The following CCAR1 variants were observed in gnomAD, a reference collection of about 807,000 sequenced individuals.
CCAR1 encodes cell division cycle and apoptosis regulator protein 1.
Under a neutral mutation model 163.8 loss-of-function variants are expected in CCAR1, and 78 were observed. That is an observed-to-expected ratio of 0.48 (90% confidence interval 0.40 to 0.57). CCAR1 has a LOEUF of 0.57. Ranked by LOEUF, CCAR1 falls within the 20% of genes least tolerant of loss-of-function variation. CCAR1 has a pLI of 0.00. For synonymous variants in CCAR1, 443 were observed against 460.7 expected (o/e 0.96, Z 0.49); for missense variants, 1,019 against 1,365.2 (o/e 0.75, Z 4.00).
chr10:68,785,969 G>T (rs138628183), intron 19 of CCAR1, among the ~76,000 whole-genome samples, 167 bp from the exon 20 acceptor site: 133 of 152,178 alleles, frequency 8.7e-4, no homozygotes, highest in Non-Finnish European at 1.5e-3. Flanking sequence ...AAAAGACAGG[G>T]TCTTGATCTG....
chr10:68,767,200 G>C (rs1476600952), intron 17 of CCAR1, among the ~76,000 whole-genome samples: 1 of 152,074 alleles, frequency 6.6e-6, no homozygotes, highest in African/African-American at 2.4e-5. Context: ...AATTTAACTT[G>C]CGTTTGAGTT....
Position 68,742,470 on chromosome 10 carries a change from A to G in CCAR1, c.419A>G (p.Gln140Arg). Residue 140 changes from glutamine (Q) to arginine (R), a missense_variant, in exon 6 of 25, where the codon CAG becomes CGG. By Grantham distance (43) the Gln-to-Arg change is conservative (BLOSUM62 1). Coordinates refer to ENST00000265872, the MANE Select transcript of CCAR1 (RefSeq NM_018237.4). Reference protein sequence around the residue: ...VSYPTPRSSQQQTQPQKQRVF... With the variant: ...VSYPTPRSSQRQTQPQKQRVF... ...TATCCAACACCAAGGTCCAGTCAAC[A>G]GCAAACCCAGCCTCAGAAGCAGCGT... 1 of 1,614,198 alleles carries G rather than the reference A, an allele frequency of 6.2e-7. No homozygotes were observed. The highest frequency in any genetic ancestry group is 8.5e-7 in the Non-Finnish European group (1 of 1,180,024).
chr10:68,734,559 C>T (rs149709244), intron 2 of CCAR1, among the ~76,000 whole-genome samples: 51 of 151,908 alleles, frequency 3.4e-4, no homozygotes, highest in African/African-American at 1.2e-3. Context: ...TGCAGTGGTA[C>T]AGTCTTGGCT....
rs182369850 is a variant in CCAR1 at position 68,735,113 on chromosome 10, C to T, written c.74-1763C>T. Among the ~76,000 whole-genome samples the T allele has an allele frequency of 2.1e-3, 322 of 152,162 alleles. 2 individuals are homozygous for T. The highest frequency in any genetic ancestry group is 3.2e-3 in the Non-Finnish European group (221 of 68,002). On this transcript the variant is annotated intron_variant, in intron 2 of 24. Coordinates refer to ENST00000265872, the MANE Select transcript of CCAR1 (RefSeq NM_018237.4). The stretch of plus-strand genomic sequence containing the variant: ...CTGTAATCCCAGTACTTTGGGATCC[C>T]GAAGCAGGTGGATTGCTTGAGCCTA...
intron 5 of CCAR1, among the ~76,000 whole-genome samples, chr10:68,741,554 A>G (rs1308165219): frequency 6.6e-6 from 1 of 152,226 alleles, no homozygotes; most frequent in African/African-American, 2.4e-5. Context: ...ATCACTGGTT[A>G]ATACGTAGAG....
chr10:68,785,159 C>T (rs1226248721), intron 19 of CCAR1, among the ~76,000 whole-genome samples: 1 of 151,588 alleles, frequency 6.6e-6, no homozygotes, highest in African/African-American at 2.4e-5. Context: ...CCTCGTGATC[C>T]GCCCACCTCG....
At position 68,747,214 on chromosome 10, in the gene CCAR1, C is replaced by G. The variant is rs374007238; in HGVS notation, c.572C>G (p.Thr191Ser). 3.1e-6 allele frequency: 5 copies of G among 1,611,322 alleles called. No individual in the cohort carries two copies. In the African/African-American group the frequency reaches 6.7e-5, roughly 22 times the overall value. The change falls in exon 7 of 25, where the codon ACT (threonine) becomes AGT (serine). Residue 191 changes from threonine to serine, a missense_variant. By Grantham distance (58) the Thr-to-Ser change is moderately conservative. Transcript: ENST00000265872. The part of the protein sequence containing the change: ...QVGDRVLVEA[T>S]YNPNMPFKWN... ...GGTGACAGAGTATTGGTTGAAGCTA[C>G]TTATAATCCTAATATGCCTTTTAAA...
intron 18 of CCAR1, 86 bp downstream of exon 18, chr10:68,771,531 T>C (rs968336702): frequency 8.3e-7 from 1 of 1,210,220 alleles, no homozygotes; most frequent in Non-Finnish European, 1.2e-6. Context: ...GAATATTAGA[T>C]GTAAAAGCCA....
chr10:68,737,844 G>T lies in CCAR1; in HGVS notation c.247-1G>T. 1 of 1,581,936 alleles carries T rather than the reference G, an allele frequency of 6.3e-7. No individual in the cohort carries two copies. Among genetic ancestry groups the T allele is most frequent in the Admixed American group, 1.9e-5 (1 of 52,444 alleles). ...TGAAAAATTTTTTTTTAATCTTTCA[G>T]CAATATTCACAACCTCAGCAGGCCC... On this transcript the variant is annotated splice_acceptor_variant, in intron 3 of 24. Transcript: ENST00000265872. LOFTEE classifies it high-confidence loss of function.
chr10:68,764,846 TGTG>T (rs1265712139), intron 16 of CCAR1, among the ~76,000 whole-genome samples: 5 of 152,200 alleles, frequency 3.3e-5, no homozygotes, highest in African/African-American at 4.8e-5. Context: ...TCATCTGCCT[TGTG>T]GTGGTGTCTT....
At chr10:68,734,552 A>C (rs2056082503) in intron 2 of CCAR1, among the ~76,000 whole-genome samples, 1 of 151,672 alleles carries the variant, frequency 6.6e-6, no homozygotes, top group Non-Finnish European at 1.5e-5. Context: ...GCTAGAGTGC[A>C]GTGGTACAGT....
chr10:68,768,075 T>C (rs17462772), intron 17 of CCAR1, among the ~76,000 whole-genome samples: 15,115 of 152,228 alleles, frequency 0.099, 933 homozygotes, highest in South Asian at 0.16. Flanking sequence ...TCAATCATGC[T>C]TCTTTGAACC....
At chr10:68,787,899 G>A in intron 21 of CCAR1, 28 bp from the exon 22 acceptor site, 1 of 1,566,070 alleles carries the variant, frequency 6.4e-7, no homozygotes, top group Non-Finnish European at 8.6e-7. Context: ...TTTCATCTCT[G>A]TATTTTGTTT....
In CCAR1 at chr10:68,786,520, T is replaced by C. The variant is rs1438276975; in HGVS notation, c.2734-26T>C. On this transcript the variant is annotated intron_variant, in intron 20 of 24. Transcript: ENST00000265872. ...TAAAAAATTTGAAATTTGAATACTA[T>C]GTTTTCTACTTCTCCATTTTCTTAG... The C allele has an allele frequency of 2.0e-6, 3 of 1,525,648 alleles. No individual in the cohort carries two copies. The East Asian group carries it at 6.9e-5, about 35-fold the overall frequency. 94.5% of individuals were successfully genotyped at this position (1,525,648 alleles called of 1,614,324 possible). A position where few individuals can be genotyped will look rare whatever the true frequency, so the allele number is the denominator to read the frequency against.
intron 2 of CCAR1, among the ~76,000 whole-genome samples, chr10:68,729,213 AAGT>A (rs952746242): frequency 6.6e-6 from 1 of 152,030 alleles, no homozygotes; most frequent in African/African-American, 2.4e-5. Flanking sequence ...GTTATATTTA[AAGT>A]ATTATTTTGT....
intron 19 of CCAR1, among the ~76,000 whole-genome samples, chr10:68,775,274 C>A (rs2056649936): frequency 6.6e-6 from 1 of 151,972 alleles, no homozygotes; most frequent in Admixed American, 6.6e-5. Context: ...TATGTAATAT[C>A]TCCTCTTATT....
Position 68,749,223 on chromosome 10 carries a change from A to G in CCAR1, c.914A>G (p.Asn305Ser), listed in dbSNP as rs758627715. ...LDPPSRFSGRNDRGDQVPNRK... is the reference protein window; with the variant it reads ...LDPPSRFSGRSDRGDQVPNRK... ...CCCCCATCCCGATTTTCAGGAAGAA[A>G]TGACAGAGGGGATCAAGTGCCTAAC... Residue 305 changes from asparagine (N) to serine (S), a missense_variant, in exon 9 of 25, where the codon AAT (asparagine) becomes AGT (serine). By Grantham distance (46) the Asn-to-Ser change is conservative. This residue lies in a region of CCAR1 where 644 missense variants were observed against 904.4 expected (regional missense o/e 0.71). Coordinates refer to ENST00000265872, the MANE Select transcript of CCAR1 (RefSeq NM_018237.4). The G allele has an allele frequency of 9.3e-6, 15 of 1,613,074 alleles. No homozygotes were observed. The African/African-American group carries it at 1.6e-4, about 17-fold the overall frequency.
At position 68,749,527 on chromosome 10, in the gene CCAR1, T is replaced by C. The variant is rs781341103; in HGVS notation, c.960T>C (p.Arg320=). 4 of 1,594,120 alleles carry C rather than the reference T, an allele frequency of 2.5e-6. No individual in the cohort carries two copies. The highest frequency in any genetic ancestry group is 3.4e-6 in the Non-Finnish European group (4 of 1,169,290). ...TTTTAGAAAAATTTGCTTTCAGTCG[T>C]GAGAGAGAGAGAGAAAGACGTAGAT... ...QVPNRKDDRS[R]ERERERRRSR... is the part of the protein sequence containing the mutation. Residue 320 remains arginine, a synonymous_variant, in exon 10 of 25, where the codon CGT becomes CGC. Transcript: ENST00000265872.
At chr10:68,785,646 A>G (rs2056787880) in intron 19 of CCAR1, among the ~76,000 whole-genome samples, 1 of 152,182 alleles carries the variant, frequency 6.6e-6, no homozygotes, top group Non-Finnish European at 1.5e-5. Flanking sequence ...CCTGTATGCA[A>G]GTCAGTGGTT....
Sources: gnomAD v4.1 joint callset for allele counts (sites outside exome capture counted in the v4.1 genomes callset) on GRCh38, gnomAD v4.1.1 for gene constraint, gnomAD v4.1.1 regional missense constraint, MANE v1.5 for transcripts, NCBI Gene and HGNC (gene_info 2026-07-23, HGNC 2026-07-21) for gene names.